The following ADCY9 variants were observed in gnomAD, a reference collection of about 807,000 sequenced individuals.
ADCY9 encodes the protein adenylate cyclase 9, also known as adenylate cyclase type 9.
ADCY9 carries 50 observed loss-of-function variants against 101.5 expected under a neutral mutation model. The observed-to-expected ratio is 0.49, with a 90% CI of 0.39 to 0.62. The LOEUF (loss-of-function observed/expected upper bound fraction) is 0.62, where lower values mean the gene tolerates loss of function less well. ADCY9 is among the 20% of genes least tolerant of loss of function. The pLI is 0.00. For missense variants in ADCY9, 1,662 were observed against 1,800.4 expected (o/e 0.92, Z 1.39); for synonymous variants, 905 against 769.3 (o/e 1.18, Z -2.92).
rs758044219 is a variant in ADCY9 at position 3,977,628 on chromosome 16, G to A, written c.2682C>T (p.Phe894=). ...VTSEYETNIH[F]PVFTGSAALI... Reference sequence around the variant, plus strand: ...GCGCGGCCGAGCCTGTGAACACTGGGAACTGCAAGAGGCGAAGGGTTAGGA... The same window carrying A: ...GCGCGGCCGAGCCTGTGAACACTGGAAACTGCAAGAGGCGAAGGGTTAGGA... Residue 894 remains phenylalanine, a splice_region_variant and synonymous_variant, in exon 9 of 11, where the codon TTC becomes TTT. Coordinates refer to ENST00000294016, the MANE Select transcript of ADCY9 (RefSeq NM_001116.4). 1.4e-5 allele frequency: 23 copies of A among 1,612,812 alleles called. No homozygotes were observed. In the South Asian group the frequency reaches 1.8e-4, roughly 12 times the overall value.
chr16:3,955,830 T>C lies in ADCY9; in HGVS notation c.568-2314A>G, dbSNP rs948284323. Among the ~76,000 whole-genome samples the C allele has an allele frequency of 4.5e-4, 68 of 151,510 alleles. 1 individual carries two copies. The highest frequency in any genetic ancestry group is 3.0e-3 in the Admixed American group (45 of 15,142). The stretch of plus-strand genomic sequence containing the variant: ...TCCCAAAGTGCTGGGATTACAGGGG[T>C]GAGCCACCACACCTGGCCAAAATTT... On this transcript the variant is annotated intron_variant, in intron 5 of 5. Coordinates refer to the ADCY9 transcript ENST00000576936.
At position 4,113,872 on chromosome 16, in the gene ADCY9, C is replaced by G. The variant is rs778957387; in HGVS notation, c.1571G>C (p.Gly524Ala). 6.2e-7 allele frequency: 1 copy of G among 1,614,186 alleles called. No homozygotes were observed. The highest frequency in any genetic ancestry group is 8.5e-7 in the Non-Finnish European group (1 of 1,180,036). Reference sequence around the variant, plus strand: ...AGAAATGTGAACTTTGCCGGCCACTCCCAGCTGCTCCATGAGATTGGCCAG... The same window carrying G: ...AGAAATGTGAACTTTGCCGGCCACTGCCAGCTGCTCCATGAGATTGGCCAG... ...VNLANLMEQL[G>A]VAGKVHISEA... The change falls in exon 2 of 11, where the codon GGA becomes GCA. Residue 524 changes from glycine (G) to alanine (A), a missense_variant. This residue lies in a region of ADCY9 where 228 missense variants were observed against 301.1 expected (regional missense o/e 0.76). Coordinates refer to ENST00000294016, the MANE Select transcript of ADCY9 (RefSeq NM_001116.4).
At chr16:4,094,862 T>C (rs1370172086) in intron 2 of ADCY9, among the ~76,000 whole-genome samples, 1 of 151,510 alleles carries the variant, frequency 6.6e-6, no homozygotes, top group Non-Finnish European at 1.5e-5. Context: ...ACAAAGAAAA[T>C]GGAAATGACA....
At chr16:4,011,916 G>A (rs567919532) in intron 2 of ADCY9, among the ~76,000 whole-genome samples, 2 of 152,346 alleles carry the variant, frequency 1.3e-5, no homozygotes, top group African/African-American at 2.4e-5. Flanking sequence ...CACACAGCTC[G>A]CATGTGAGGC....
chr16:4,035,960 T>C (rs923269507), intron 2 of ADCY9, among the ~76,000 whole-genome samples: 44 of 129,166 alleles, frequency 3.4e-4, no homozygotes, highest in African/African-American at 1.2e-3. Context: ...AATCGTGCCA[T>C]TGCACTCCAG....
At chr16:3,973,847 C>T (rs919558756) in intron 10 of ADCY9, among the ~76,000 whole-genome samples, 1 of 151,814 alleles carries the variant, frequency 6.6e-6, no homozygotes, top group Non-Finnish European at 1.5e-5. Context: ...TCCATCTTTT[C>T]GTTGTGGTTC....
intron 2 of ADCY9, among the ~76,000 whole-genome samples, chr16:4,055,747 C>T (rs1019396835): frequency 3.3e-5 from 5 of 151,774 alleles, no homozygotes; most frequent in African/African-American, 9.7e-5. Context: ...GGCAGGAGAA[C>T]GGCATGAACC....
rs7205175 is a variant in ADCY9, at chr16:4,030,208, C to T, written c.1694-22650G>A. Among the ~76,000 whole-genome samples the T allele has an allele frequency of 6.8e-3, 1,030 of 152,160 alleles. 10 individuals carry two copies. The highest frequency in any genetic ancestry group is 0.019 in the African/African-American group (790 of 41,494). ...TGCAAGTGTGCACCAGGATACAGTACGTAAGTATTCACAGGGATTATTGTA... is the reference window on the plus strand; with the variant it reads ...TGCAAGTGTGCACCAGGATACAGTATGTAAGTATTCACAGGGATTATTGTA... On this transcript the variant is annotated intron_variant, in intron 2 of 10. Coordinates refer to ENST00000294016, the MANE Select transcript of ADCY9 (RefSeq NM_001116.4).
intron 2 of ADCY9, among the ~76,000 whole-genome samples, chr16:4,086,816 C>G (rs752044576): frequency 6.6e-5 from 10 of 151,964 alleles, no homozygotes; most frequent in Non-Finnish European, 1.5e-4. Flanking sequence ...TGCGCCACCA[C>G]GCCCGGCTAA....
At chr16:4,078,770 G>T (rs1272857705) in intron 2 of ADCY9, among the ~76,000 whole-genome samples, 9 of 151,998 alleles carry the variant, frequency 5.9e-5, no homozygotes, top group African/African-American at 2.2e-4. Flanking sequence ...TAGAAAATGG[G>T]AGGCATTTTA....
At chr16:4,034,885 C>G (rs2056579349) in intron 2 of ADCY9, among the ~76,000 whole-genome samples, 1 of 152,214 alleles carries the variant, frequency 6.6e-6, no homozygotes, top group African/African-American at 2.4e-5. Context: ...TTCTGGTCAT[C>G]TTTACTACCA....
At chr16:4,044,975 G>A (rs565721036) in intron 2 of ADCY9, among the ~76,000 whole-genome samples, 13 of 152,192 alleles carry the variant, frequency 8.5e-5, no homozygotes, top group East Asian at 5.8e-4. Flanking sequence ...GTGCTGGCTC[G>A]GTATGGTTGA....
chr16:4,099,411 T>A (rs556686256), intron 2 of ADCY9, among the ~76,000 whole-genome samples: 1 of 152,222 alleles, frequency 6.6e-6, no homozygotes, highest in African/African-American at 2.4e-5. Flanking sequence ...TATTTCCTCA[T>A]AGAAACATGC....
At chr16:3,956,941 T>C (rs2055909956) in intron 5 of ADCY9, among the ~76,000 whole-genome samples, 1 of 152,176 alleles carries the variant, frequency 6.6e-6, no homozygotes, top group African/African-American at 2.4e-5. Flanking sequence ...CATTTCTCCA[T>C]TCTAAGCATA....
intron 2 of ADCY9, among the ~76,000 whole-genome samples, chr16:4,034,357 C>T (rs2056575847): frequency 6.6e-6 from 1 of 152,120 alleles, no homozygotes; most frequent in Admixed American, 6.6e-5. Flanking sequence ...TGCTACTATC[C>T]GTCTTACAAC....
At chr16:4,101,093 C>T (rs182929262) in intron 2 of ADCY9, among the ~76,000 whole-genome samples, 9 of 152,254 alleles carry the variant, frequency 5.9e-5, no homozygotes, top group Non-Finnish European at 1.2e-4. Context: ...GAGATGGGTA[C>T]TAGTGTTTTC....
At position 3,993,455 on chromosome 16, in the gene ADCY9, C is replaced by T. The variant is rs200558073; in HGVS notation, c.1940G>A (p.Gly647Glu). Reference sequence around the variant, plus strand: ...TTGGCAGCCGTTTTGAGGTGCTCCTCCCTCGGCGCCGGCTTCAGATTTGGG... The same window carrying T: ...TTGGCAGCCGTTTTGAGGTGCTCCTTCCTCGGCGCCGGCTTCAGATTTGGG... ...FAPKSEAGAE[G>E]GAPQNGCQDE... Residue 647 changes from glycine to glutamate, a missense_variant, in exon 4 of 11, where the codon GGA becomes GAA. Around this residue, in one of 5 missense-constraint regions of ADCY9, gnomAD observed 624 missense variants for 639.1 expected, o/e 0.98. Transcript: ENST00000294016. 5.0e-6 allele frequency: 8 copies of T among 1,614,210 alleles called. No individual in the cohort carries two copies. The highest frequency in any genetic ancestry group is 6.8e-6 in the Non-Finnish European group (8 of 1,180,040).
intron 2 of ADCY9, among the ~76,000 whole-genome samples, chr16:4,038,054 A>G (rs2056601553): frequency 6.6e-6 from 1 of 152,172 alleles, no homozygotes; most frequent in South Asian, 2.1e-4. Flanking sequence ...TGGAAGAATC[A>G]CTTGAGTCCA....
chr16:4,085,234 T>C (rs572428149), intron 2 of ADCY9, among the ~76,000 whole-genome samples: 1 of 152,016 alleles, frequency 6.6e-6, no homozygotes, highest in South Asian at 2.1e-4. Context: ...TGGTGGCGCA[T>C]ACCTATAATC....
Sources: allele counts gnomAD v4.1 joint callset (sites outside exome capture counted in the v4.1 genomes callset), GRCh38; gene constraint gnomAD v4.1.1; regional missense constraint gnomAD v4.1.1; transcripts MANE v1.5; gene names NCBI Gene and HGNC (gene_info 2026-07-23, HGNC 2026-07-21).